Variants in CCL28 observed in about 807,000 individuals in gnomAD.
The protein encoded by CCL28 is C-C motif chemokine 28.
A neutral mutation model predicts 7.1 loss-of-function variants in CCL28; 4 were observed. The observed-to-expected ratio is 0.56, with a 90% CI of 0.28 to 1.29. The LOEUF (loss-of-function observed/expected upper bound fraction) is 1.29. Among genes scored for constraint, CCL28 ranks in the 50% most tolerant of loss-of-function variants. CCL28 has a pLI of 0.11. For synonymous variants in CCL28, 55 were observed against 57.8 expected (o/e 0.95, Z 0.22); for missense variants, 151 against 163.4 (o/e 0.92, Z 0.41).
intron 1 of CCL28, among the ~76,000 whole-genome samples, chr5:43,405,409 C>T (rs923992820): frequency 2.6e-5 from 4 of 152,232 alleles, no homozygotes; most frequent in Non-Finnish European, 4.4e-5. Flanking sequence ...GGGTACATAA[C>T]AAAATGAAGG....
chr5:43,398,909 C>T (rs1740924467), intron 1 of CCL28, among the ~76,000 whole-genome samples: 2 of 152,148 alleles, frequency 1.3e-5, no homozygotes, highest in African/African-American at 4.8e-5. Context: ...TTTGCCCTCT[C>T]CTCAATAGTT....
At chr5:43,357,188 C>T in the CCL28 span, among the ~76,000 whole-genome samples, 1 of 152,190 alleles carries the variant, frequency 6.6e-6, no homozygotes, top group African/African-American at 2.4e-5. Context: ...AGGGCAAGCA[C>T]CACTGCACAA....
chr5:43,382,190 T>A, intron 2 of CCL28, 138 bp from the exon 3 acceptor site: 1 of 769,700 alleles, frequency 1.3e-6, no homozygotes, highest in South Asian at 2.2e-5. Context: ...GAATTAAGTG[T>A]AGAAATGAAG....
the CCL28 span, among the ~76,000 whole-genome samples, chr5:43,368,357 C>T: frequency 6.6e-6 from 1 of 152,138 alleles, no homozygotes; most frequent in Non-Finnish European, 1.5e-5. Context: ...AATAATAAAA[C>T]AACAACAGTT....
At chr5:43,391,244 A>C (rs1219678670) in intron 1 of CCL28, among the ~76,000 whole-genome samples, 1 of 152,216 alleles carries the variant, frequency 6.6e-6, no homozygotes, top group Non-Finnish European at 1.5e-5. Flanking sequence ...ATAGGGCAGT[A>C]AATATAGAGG....
chr5:43,366,589 C>G, the CCL28 span, among the ~76,000 whole-genome samples: 1 of 152,226 alleles, frequency 6.6e-6, no homozygotes, highest in Non-Finnish European at 1.5e-5. Flanking sequence ...TCAGCCCCTG[C>G]TGGGAGGTGT....
intron 1 of CCL28, among the ~76,000 whole-genome samples, chr5:43,408,758 G>A (rs911793474): frequency 1.3e-5 from 2 of 151,624 alleles, no homozygotes; most frequent in Admixed American, 6.6e-5. Context: ...TGATGAAGAG[G>A]GACTTTCCTT....
At chr5:43,385,449 T>C (rs1186610838) in intron 2 of CCL28, among the ~76,000 whole-genome samples, 3 of 152,252 alleles carry the variant, frequency 2.0e-5, no homozygotes. Flanking sequence ...ACATTTCCAG[T>C]GTTAGCAATG....
downstream of CCL28, among the ~76,000 whole-genome samples, chr5:43,378,226 C>T (rs147448115): frequency 3.9e-3 from 593 of 151,092 alleles, 1 homozygote; most frequent in African/African-American, 0.014. Context: ...TGGCACATGC[C>T]TGTAGTCCCA....
At chr5:43,361,303 A>G in the CCL28 span, among the ~76,000 whole-genome samples, 2 of 152,178 alleles carry the variant, frequency 1.3e-5, no homozygotes, top group Admixed American at 1.3e-4. Flanking sequence ...TATCTTTATA[A>G]TAGAATGACT....
At chr5:43,361,533 C>A in the CCL28 span, among the ~76,000 whole-genome samples, 1 of 152,130 alleles carries the variant, frequency 6.6e-6, no homozygotes, top group African/African-American at 2.4e-5. Context: ...GTTGCAAGTG[C>A]TTTTGGCATC....
chr5:43,401,639 G>C (rs1461876479), intron 1 of CCL28, among the ~76,000 whole-genome samples: 2 of 152,182 alleles, frequency 1.3e-5, no homozygotes, highest in East Asian at 1.9e-4. Context: ...GCTTAGAACA[G>C]GAGTGACAAA....
At chr5:43,361,373 T>C in the CCL28 span, among the ~76,000 whole-genome samples, 2 of 152,222 alleles carry the variant, frequency 1.3e-5, no homozygotes, top group Non-Finnish European at 2.9e-5. Context: ...TGGTTTTGAT[T>C]TGCATTTCAA....
chr5:43,365,746 A>G, the CCL28 span, among the ~76,000 whole-genome samples: 1 of 152,198 alleles, frequency 6.6e-6, no homozygotes, highest in East Asian at 1.9e-4. Context: ...AATATCCTGA[A>G]GAGTGTTTTC....
chr5:43,381,929 A>G lies in CCL28; in HGVS notation c.315T>C (p.His105=), dbSNP rs146130116. The G allele has an allele frequency of 1.9e-6, 3 of 1,614,032 alleles. No homozygotes were observed. Among genetic ancestry groups the G allele is most frequent in the Non-Finnish European group, 2.5e-6 (3 of 1,179,998 alleles). ...KGNVCHRKKH[H]GKRNSNRAHQ... ...GTGCCCTGTTACTGTTCCTCTTGCCATGGTGTTTCTTCCTGTGGCAAACAT... is the reference window on the plus strand; with the variant it reads ...GTGCCCTGTTACTGTTCCTCTTGCCGTGGTGTTTCTTCCTGTGGCAAACAT... The change falls in exon 3 of 3, where the codon CAT becomes CAC. Residue 105 remains histidine (H), a synonymous_variant. Coordinates refer to ENST00000361115, the MANE Select transcript of CCL28 (RefSeq NM_148672.3).
intron 1 of CCL28, among the ~76,000 whole-genome samples, chr5:43,388,856 G>A (rs1740446707): frequency 6.6e-6 from 1 of 152,172 alleles, no homozygotes; most frequent in African/African-American, 2.4e-5. Context: ...TCTGTGACAG[G>A]CCCTGAGCTC....
intron 1 of CCL28, among the ~76,000 whole-genome samples, chr5:43,405,042 T>C (rs563038963): frequency 3.9e-5 from 6 of 152,050 alleles, no homozygotes; most frequent in Non-Finnish European, 8.8e-5. Flanking sequence ...AGACTTAGAC[T>C]CCCACACAAT....
downstream of CCL28, among the ~76,000 whole-genome samples, chr5:43,377,716 A>AATTTTTTTTTTTTT (rs1561151287): frequency 2.2e-5 from 1 of 45,660 alleles, no homozygotes; most frequent in Non-Finnish European, 4.3e-5. Context: ...TAGAACTTAA[A>AATTTTTTTTTTTTT]CTTTTTTTTT....
rs3733767 is a variant in CCL28 at position 43,388,337 on chromosome 5, G to C, written c.191+13C>G. The C allele has an allele frequency of 1.1e-5, 17 of 1,613,784 alleles. No homozygotes were observed. In the African/African-American group the frequency reaches 2.3e-4, roughly 22 times the overall value. On this transcript the variant is annotated intron_variant, in intron 2 of 2. Transcript: ENST00000361115. ...CTGTGCAGGTTTAGACCTCCCGGCT[G>C]ATGAGCACTCACATGACAGCAGCCA... is the stretch of plus-strand genomic sequence containing the variant.
Sources: gnomAD v4.1 joint callset for allele counts (sites outside exome capture counted in the v4.1 genomes callset) on GRCh38, gnomAD v4.1.1 for gene constraint, MANE v1.5 for transcripts, NCBI Gene and HGNC (gene_info 2026-07-23, HGNC 2026-07-21) for gene names.